Variants in GLIS3 observed in about 807,000 individuals in gnomAD.
GLIS3 encodes the protein zinc finger protein GLIS3.
GLIS3 carries 53 observed loss-of-function variants against 78.6 expected under a neutral mutation model. That is an observed-to-expected ratio of 0.67 (90% CI 0.54 to 0.85). The LOEUF (loss-of-function observed/expected upper bound fraction) is 0.85. GLIS3 is among the 40% of genes least tolerant of loss of function. GLIS3 has a pLI of 0.00. For synonymous variants in GLIS3, 684 were observed against 509.9 expected (o/e 1.34, Z -4.60); for missense variants, 1,703 against 1,231.1 (o/e 1.38, Z -5.74).
intron 2 of GLIS3, among the ~76,000 whole-genome samples, chr9:4,212,696 A>T (rs374949507): frequency 6.6e-6 from 1 of 152,214 alleles, no homozygotes; most frequent in African/African-American, 2.4e-5. Context: ...CATGCAGAGG[A>T]AACAGCAGAT....
intron 2 of GLIS3, among the ~76,000 whole-genome samples, chr9:4,206,914 T>C (rs1470875556): frequency 2.0e-5 from 3 of 152,134 alleles, no homozygotes; most frequent in South Asian, 2.1e-4. Flanking sequence ...GAGGACGAAG[T>C]CCATGATACT....
At position 4,346,551 on chromosome 9, in the gene GLIS3, T is replaced by C. The variant is rs946686802; in HGVS notation, n.264+530A>G. Among the ~76,000 whole-genome samples, 81 of 152,340 alleles carry C rather than the reference T, an allele frequency of 5.3e-4. 1 individual carries two copies. The highest frequency in any genetic ancestry group is 9.0e-4 in the Non-Finnish European group (61 of 68,036). On this transcript the variant is annotated intron_variant and non_coding_transcript_variant, in intron 2 of 4. Coordinates refer to the GLIS3 transcript ENST00000471664. Reference sequence around the variant, plus strand: ...ACTTTACATCCAGAGCCACAAAATGTCAATCAACTGATAGAAAAAGAGCAG... The same window carrying C: ...ACTTTACATCCAGAGCCACAAAATGCCAATCAACTGATAGAAAAAGAGCAG...
intron 4 of GLIS3, among the ~76,000 whole-genome samples, chr9:4,090,348 G>C (rs1048731162): frequency 8.6e-5 from 13 of 151,944 alleles, no homozygotes; most frequent in African/African-American, 2.9e-4. Flanking sequence ...TTCATCTCGA[G>C]GATCTAAAAC....
intron 2 of GLIS3, among the ~76,000 whole-genome samples, chr9:4,197,929 G>C (rs141120903): frequency 4.0e-5 from 6 of 149,424 alleles, no homozygotes; most frequent in Non-Finnish European, 8.9e-5. Context: ...GAGGGGAAAG[G>C]GAAAGGGAGA....
chr9:4,178,194 G>A (rs1290558312), intron 2 of GLIS3, among the ~76,000 whole-genome samples: 2 of 152,134 alleles, frequency 1.3e-5, no homozygotes, highest in African/African-American at 4.8e-5. Flanking sequence ...GGTGGACTAC[G>A]CATTTACACA....
In GLIS3 at chr9:3,977,313, C is replaced by G. The variant is rs915101136; in HGVS notation, c.1711-40124G>C. Among the ~76,000 whole-genome samples, 1 of 152,154 alleles carries G rather than the reference C, an allele frequency of 6.6e-6. No individual in the cohort carries two copies. The highest frequency in any genetic ancestry group is 2.4e-5 in the African/African-American group (1 of 41,430). ...TAAGGACCGAGAGGAAAGCTCTTGG[C>G]TCTATCAGCCTTGCCATCTCTTTGT... On this transcript the variant is annotated intron_variant, in intron 4 of 10. Transcript: ENST00000381971. This position sits in a 1 kb window ranked among gnomAD's most constrained non-coding sequence, Gnocchi z 4.1.
chr9:3,936,441 C>G (rs998750853), intron 5 of GLIS3, among the ~76,000 whole-genome samples: 12 of 152,078 alleles, frequency 7.9e-5, no homozygotes, highest in African/African-American at 2.9e-4. Flanking sequence ...TATGTGGCTG[C>G]TAACAGATAG....
the GLIS3 span, among the ~76,000 whole-genome samples, chr9:4,389,416 G>C: frequency 6.6e-6 from 1 of 152,160 alleles, no homozygotes; most frequent in Non-Finnish European, 1.5e-5. Flanking sequence ...GTGAGGGAAG[G>C]GGATTCATTT....
At chr9:4,408,630 G>C in the GLIS3 span, among the ~76,000 whole-genome samples, 1 of 145,824 alleles carries the variant, frequency 6.9e-6, no homozygotes. Context: ...GGGAGGCTGA[G>C]GCAGGAGAAT....
At chr9:4,422,841 T>A in the GLIS3 span, among the ~76,000 whole-genome samples, 2 of 152,140 alleles carry the variant, frequency 1.3e-5, no homozygotes, top group Non-Finnish European at 2.9e-5. Context: ...ATTTGGGGGA[T>A]ACATTTAAGA....
Position 4,005,141 on chromosome 9 carries a change from G to A in GLIS3, c.1711-67952C>T, listed in dbSNP as rs190756427. The stretch of plus-strand genomic sequence containing the variant: ...CATTTCTGCATTTGGTATTCTTTGA[G>A]GCACCCAAAATGTCTTGAAATAACT... On this transcript the variant is annotated intron_variant, in intron 4 of 10. Coordinates refer to ENST00000381971, the MANE Select transcript of GLIS3 (RefSeq NM_001042413.2). Among the ~76,000 whole-genome samples, 130 of 152,272 alleles carry A rather than the reference G, an allele frequency of 8.5e-4. No individual in the cohort carries two copies. The Middle Eastern group carries it at 0.02, about 24-fold the overall frequency.
At chr9:4,331,923 G>T (rs995937739) in intron 2 of GLIS3, among the ~76,000 whole-genome samples, 4 of 152,164 alleles carry the variant, frequency 2.6e-5, no homozygotes, top group Non-Finnish European at 5.9e-5. Context: ...GTTGTCAACT[G>T]GTACAAGGGG....
intron 4 of GLIS3, among the ~76,000 whole-genome samples, chr9:4,018,678 G>C (rs1156709557): frequency 6.6e-6 from 1 of 152,126 alleles, no homozygotes; most frequent in Admixed American, 6.5e-5. Context: ...TCTGAGATAT[G>C]ATAGTCCCTT....
intron 2 of GLIS3, among the ~76,000 whole-genome samples, chr9:4,181,275 T>C (rs12340922): frequency 8.1e-4 from 124 of 152,358 alleles, no homozygotes; most frequent in African/African-American, 3.0e-3. Context: ...ACTCGCCTCA[T>C]GCAGACACTT....
chr9:3,873,322 A>T (rs191686870), intron 8 of GLIS3, among the ~76,000 whole-genome samples: 1 of 152,290 alleles, frequency 6.6e-6, no homozygotes, highest in East Asian at 1.9e-4. Context: ...TATCCCTGAT[A>T]AACAGAGACA....
chr9:4,266,208 G>A (rs936104932), intron 2 of GLIS3, among the ~76,000 whole-genome samples: 2 of 150,498 alleles, frequency 1.3e-5, no homozygotes, highest in African/African-American at 2.4e-5. Context: ...GTGAGCCACC[G>A]CGCCTGGCCC....
Position 4,284,910 on chromosome 9 carries a change from C to T in GLIS3, c.388+1128G>A, listed in dbSNP as rs112790560. Among the ~76,000 whole-genome samples the T allele has an allele frequency of 8.0e-3, 1,211 of 152,062 alleles. 15 individuals carry two copies. Among genetic ancestry groups the T allele is most frequent in the African/African-American group, 0.028 (1,158 of 41,466 alleles). On this transcript the variant is annotated intron_variant, in intron 2 of 10. Transcript: ENST00000381971. The stretch of plus-strand genomic sequence containing the variant: ...CTCCAGCCTGGGTGACAAAGTGATA[C>T]CCCGTCTCAAAAAATTTTCTAATTT...
At chr9:4,139,585 G>C (rs1219314030) in intron 2 of GLIS3, among the ~76,000 whole-genome samples, 1 of 152,132 alleles carries the variant, frequency 6.6e-6, no homozygotes, top group Non-Finnish European at 1.5e-5. Context: ...TGTGAAGGGA[G>C]GGTAGTCTAA....
the GLIS3 span, among the ~76,000 whole-genome samples, chr9:4,447,638 G>T: frequency 7.2e-5 from 11 of 152,158 alleles, no homozygotes; most frequent in African/African-American, 2.4e-4. Context: ...CTGAACCTCA[G>T]TCTGCTTCTA....
Sources: allele counts gnomAD v4.1 joint callset (sites outside exome capture counted in the v4.1 genomes callset), GRCh38; gene constraint gnomAD v4.1.1; non-coding constraint Gnocchi (gnomAD v3.1); transcripts MANE v1.5; gene names NCBI Gene and HGNC (gene_info 2026-07-23, HGNC 2026-07-21).